The following GPC5 variants were observed in gnomAD, a reference collection of about 807,000 sequenced individuals.
GPC5 encodes the protein glypican 5.
Under a neutral mutation model 53.9 loss-of-function variants are expected in GPC5, and 47 were observed. The observed-to-expected ratio is 0.87, with a 90% CI of 0.69 to 1.11. GPC5 has a LOEUF of 1.11. GPC5 is among the 50% of genes most tolerant of loss of function. The pLI, the probability that GPC5 is intolerant of heterozygous loss-of-function variation, is 0.00. For synonymous variants in GPC5, 286 were observed against 263.3 expected (o/e 1.09, Z -0.84); for missense variants, 748 against 713.1 (o/e 1.05, Z -0.56).
At chr13:92,521,734 A>G (rs1239607126) in intron 7 of GPC5, among the ~76,000 whole-genome samples, 6 of 152,220 alleles carry the variant, frequency 3.9e-5, no homozygotes, top group African/African-American at 1.4e-4. Context: ...CTTCATGTCT[A>G]AAACACCAAA....
At chr13:91,568,290 C>G (rs1474200301) in intron 2 of GPC5, among the ~76,000 whole-genome samples, 1 of 152,130 alleles carries the variant, frequency 6.6e-6, no homozygotes, top group Non-Finnish European at 1.5e-5. Flanking sequence ...ATTAGAAATG[C>G]AGAATCTTTG....
intron 1 of GPC5, among the ~76,000 whole-genome samples, chr13:91,434,161 G>C (rs1460362766): frequency 6.6e-6 from 1 of 152,062 alleles, no homozygotes; most frequent in Non-Finnish European, 1.5e-5. Context: ...TGCCTGTTCA[G>C]GCTGATGGTA....
At chr13:92,663,675 A>C (rs1466836750) in intron 7 of GPC5, among the ~76,000 whole-genome samples, 2 of 142,892 alleles carry the variant, frequency 1.4e-5, no homozygotes, top group African/African-American at 5.2e-5. Context: ...CTATATATAT[A>C]CACTATATAT....
At chr13:92,046,045 C>G (rs1230598823) in intron 6 of GPC5, among the ~76,000 whole-genome samples, 2 of 151,856 alleles carry the variant, frequency 1.3e-5, no homozygotes, top group Non-Finnish European at 2.9e-5. Context: ...CGGGAGGCGG[C>G]AGTTGCAGTG....
intron 7 of GPC5, among the ~76,000 whole-genome samples, chr13:92,556,767 A>G (rs916018432): frequency 1.6e-4 from 25 of 151,878 alleles, no homozygotes; most frequent in Admixed American, 1.6e-3. Context: ...CTTTTGTTGT[A>G]GATCATCATA....
intron 7 of GPC5, among the ~76,000 whole-genome samples, chr13:92,386,527 G>A (rs1301454126): frequency 6.6e-6 from 1 of 151,932 alleles, no homozygotes; most frequent in Non-Finnish European, 1.5e-5. Context: ...CTGTGTTCTG[G>A]CGGACTTATT....
intron 7 of GPC5, among the ~76,000 whole-genome samples, chr13:92,378,396 CACATAT>C (rs1404571689): frequency 1.3e-5 from 2 of 152,202 alleles, no homozygotes; most frequent in African/African-American, 4.8e-5. Flanking sequence ...AATTACTCTT[CACATAT>C]CCTTAGCTTC....
At chr13:91,526,855 G>A (rs1886109173) in intron 2 of GPC5, among the ~76,000 whole-genome samples, 1 of 152,184 alleles carries the variant, frequency 6.6e-6, no homozygotes. Flanking sequence ...TTACGTGGCA[G>A]CAGGAGAGAG....
intron 2 of GPC5, among the ~76,000 whole-genome samples, chr13:91,493,101 G>A (rs1030649805): frequency 6.6e-6 from 1 of 152,098 alleles, no homozygotes; most frequent in Non-Finnish European, 1.5e-5. Context: ...CTTTTGCTTT[G>A]TCATACTGTT....
chr13:91,724,041 C>T (rs549442847), intron 3 of GPC5, among the ~76,000 whole-genome samples: 2 of 152,092 alleles, frequency 1.3e-5, no homozygotes, highest in African/African-American at 4.8e-5. Flanking sequence ...AATCAGCCAG[C>T]AATTTTAGAA....
chr13:91,460,535 CAA>C (rs776223721), intron 2 of GPC5, among the ~76,000 whole-genome samples: 11 of 152,056 alleles, frequency 7.2e-5, no homozygotes, highest in Non-Finnish European at 1.2e-4. Context: ...CTCCTGGCCT[CAA>C]GTGATCCACC....
intron 1 of GPC5, among the ~76,000 whole-genome samples, chr13:91,430,475 T>A (rs1879366781): frequency 6.6e-6 from 1 of 152,188 alleles, no homozygotes; most frequent in Admixed American, 6.5e-5. Context: ...AGAGAAGTTT[T>A]TCTTCCTCTG....
chr13:91,426,496 G>A (rs1005004291), intron 1 of GPC5, among the ~76,000 whole-genome samples: 2 of 152,202 alleles, frequency 1.3e-5, no homozygotes, highest in Non-Finnish European at 2.9e-5. Flanking sequence ...GCAAACTGAG[G>A]AGCCAGGAAG....
chr13:92,706,098 C>G (rs1594438246), intron 7 of GPC5: 1 of 151,828 alleles, frequency 6.6e-6, no homozygotes, highest in East Asian at 1.9e-4. Context: ...AGGTACCCAG[C>G]CTAGAAGTAG....
At chr13:91,747,925 TATAAGAGGGTTGG>T (rs2140096186) in intron 4 of GPC5, among the ~76,000 whole-genome samples, 3 of 152,332 alleles carry the variant, frequency 2.0e-5, no homozygotes, top group Admixed American at 2.0e-4. Flanking sequence ...TTTTGTTATT[TATAAGAGGGTTGG>T]ACTAAGTCAC....
intron 2 of GPC5, among the ~76,000 whole-genome samples, chr13:91,451,474 G>A (rs147614475): frequency 1.3e-5 from 2 of 152,110 alleles, no homozygotes; most frequent in Middle Eastern, 3.4e-3. Flanking sequence ...AATGCATGAG[G>A]GAGAGAGGAA....
At chr13:92,776,406 C>T (rs966039421) in intron 7 of GPC5, among the ~76,000 whole-genome samples, 2 of 152,180 alleles carry the variant, frequency 1.3e-5, no homozygotes, top group African/African-American at 4.8e-5. Flanking sequence ...TTATAAAAAC[C>T]CCTGTGATCC....
chr13:92,444,364 T>C (rs997269161), intron 7 of GPC5, among the ~76,000 whole-genome samples: 2 of 152,100 alleles, frequency 1.3e-5, no homozygotes, highest in African/African-American at 2.4e-5. Context: ...AAATATTTAT[T>C]GAGCAGCCTC....
intron 7 of GPC5, among the ~76,000 whole-genome samples, chr13:92,403,039 A>G (rs1208083484): frequency 6.6e-6 from 1 of 152,180 alleles, no homozygotes; most frequent in Non-Finnish European, 1.5e-5. Context: ...ATTATTTTCA[A>G]ATCAATAGAC....
Sources: gnomAD v4.1 joint callset for allele counts (sites outside exome capture counted in the v4.1 genomes callset) on GRCh38, gnomAD v4.1.1 for gene constraint, MANE v1.5 for transcripts, NCBI Gene and HGNC (gene_info 2026-07-23, HGNC 2026-07-21) for gene names.